DAB1: variants seen among roughly 807,000 people sequenced by gnomAD.
DAB1 encodes DAB adaptor protein 1, also known as disabled homolog 1.
DAB1 carries 15 observed loss-of-function variants against 64.6 expected under a neutral mutation model. That is an observed-to-expected ratio of 0.23 (90% CI 0.16 to 0.36). The LOEUF is 0.36. Ranked by LOEUF, DAB1 falls within the 10% of genes least tolerant of loss-of-function variation. DAB1 has a pLI of 1.00. For missense variants in DAB1, 596 were observed against 706.7 expected (o/e 0.84, Z 1.78); for synonymous variants, 235 against 251.9 (o/e 0.93, Z 0.64).
chr1:57,201,450 T>C (rs1183112252), intron 2 of DAB1, among the ~76,000 whole-genome samples: 1 of 152,032 alleles, frequency 6.6e-6, no homozygotes. Flanking sequence ...CCCTGCCACT[T>C]ACCATGCCCA....
At chr1:57,252,493 A>G (rs1669423906) in intron 2 of DAB1, among the ~76,000 whole-genome samples, 1 of 152,170 alleles carries the variant, frequency 6.6e-6, no homozygotes, top group Admixed American at 6.5e-5. Flanking sequence ...CTCCTTTAAC[A>G]CAGATTAAAT....
intron 7 of DAB1, among the ~76,000 whole-genome samples, chr1:57,509,558 A>G (rs997889055): frequency 2.0e-4 from 31 of 151,726 alleles, no homozygotes; most frequent in African/African-American, 7.5e-4. Flanking sequence ...TCACTCCCTC[A>G]CCCTATTAGC....
intron 8 of DAB1, among the ~76,000 whole-genome samples, chr1:57,066,713 G>T (rs1477053777): frequency 6.6e-6 from 1 of 152,060 alleles, no homozygotes; most frequent in African/African-American, 2.4e-5. Flanking sequence ...AGGAAGGAGG[G>T]GAAACTCACG....
intron 4 of DAB1, among the ~76,000 whole-genome samples, chr1:58,246,138 G>T (rs563924113): frequency 6.8e-6 from 1 of 147,238 alleles, no homozygotes; most frequent in East Asian, 2.0e-4. Flanking sequence ...TAACAAAAAT[G>T]AATAAGAGAA....
At chr1:57,335,851 T>G (rs1243793746) in intron 1 of DAB1, among the ~76,000 whole-genome samples, 1 of 152,222 alleles carries the variant, frequency 6.6e-6, no homozygotes, top group African/African-American at 2.4e-5. Context: ...ACTGCAAATA[T>G]TCCCTGGTTA....
chr1:57,015,849 C>A (rs1292779888), intron 11 of DAB1, among the ~76,000 whole-genome samples: 2 of 152,188 alleles, frequency 1.3e-5, no homozygotes, highest in African/African-American at 2.4e-5. Flanking sequence ...GAGTCTGACT[C>A]TTTGTGGTAA....
At chr1:58,110,300 G>A (rs1195896417) in intron 5 of DAB1, among the ~76,000 whole-genome samples, 2 of 152,058 alleles carry the variant, frequency 1.3e-5, no homozygotes, top group African/African-American at 4.8e-5. Flanking sequence ...GTTCAAAGTG[G>A]GATTCTGTCA....
chr1:58,036,051 G>A (rs550853796), intron 5 of DAB1, among the ~76,000 whole-genome samples: 1 of 152,168 alleles, frequency 6.6e-6, no homozygotes, highest in Non-Finnish European at 1.5e-5. Flanking sequence ...TAGGAATGAG[G>A]GAAAAAAAAG....
chr1:57,556,454 A>G (rs1385043419), intron 7 of DAB1, among the ~76,000 whole-genome samples: 1 of 151,310 alleles, frequency 6.6e-6, no homozygotes, highest in Non-Finnish European at 1.5e-5. Flanking sequence ...TTTTTTTTAA[A>G]TTTTTATTAT....
chr1:57,793,190 G>A lies in DAB1; in HGVS notation n.551+90809C>T, dbSNP rs1307396978. 2.0e-5 allele frequency among the ~76,000 whole-genome samples: 3 copies of A among 152,132 alleles called. No individual in the cohort carries two copies. In the East Asian group the frequency reaches 5.8e-4, roughly 29 times the overall value. On this transcript the variant is annotated intron_variant and non_coding_transcript_variant, in intron 6 of 20. Transcript: ENST00000485760. ...AGAACAGAGTGCATAGCCTCTAGTA[G>A]GCAGAGAAAATAAACGAACAGGGCA...
chr1:58,502,137 T>C (rs927772880), intron 3 of DAB1, among the ~76,000 whole-genome samples: 1 of 152,204 alleles, frequency 6.6e-6, no homozygotes, highest in South Asian at 2.1e-4. Context: ...ACAATACATT[T>C]TTGTGATGAT....
upstream of DAB1, among the ~76,000 whole-genome samples, chr1:57,424,866 T>A (rs1354911334): frequency 6.6e-6 from 1 of 152,160 alleles, no homozygotes; most frequent in Non-Finnish European, 1.5e-5. Context: ...AGACCACGGT[T>A]AACTCCGGCT....
chr1:57,606,775 A>G (rs952229507), intron 7 of DAB1, among the ~76,000 whole-genome samples: 1 of 81,062 alleles, frequency 1.2e-5, no homozygotes, highest in African/African-American at 4.5e-5. Flanking sequence ...ATATATAAAT[A>G]TATTTTATAC....
At chr1:57,190,860 G>A (rs1034484699) in intron 2 of DAB1, among the ~76,000 whole-genome samples, 2 of 152,122 alleles carry the variant, frequency 1.3e-5, no homozygotes, top group African/African-American at 2.4e-5. Flanking sequence ...CCTCTAAAGT[G>A]CAGATTTAGG....
At chr1:57,367,566 C>T (rs931466930) in intron 1 of DAB1, among the ~76,000 whole-genome samples, 9 of 152,146 alleles carry the variant, frequency 5.9e-5, no homozygotes, top group African/African-American at 2.2e-4. Context: ...TCGAAAGAAA[C>T]CATGTAAGTT....
intron 4 of DAB1, among the ~76,000 whole-genome samples, chr1:57,097,556 G>A (rs1430796545): frequency 2.0e-5 from 3 of 152,136 alleles, no homozygotes; most frequent in Non-Finnish European, 4.4e-5. Context: ...CTATGGTTAT[G>A]ACACAGGCAG....
At chr1:57,350,865 T>C (rs533771499) in intron 1 of DAB1, among the ~76,000 whole-genome samples, 4 of 152,298 alleles carry the variant, frequency 2.6e-5, no homozygotes, top group African/African-American at 9.6e-5. Flanking sequence ...TGAGTCTATA[T>C]ATCTGGCTCA....
intron 1 of DAB1, chr1:57,307,276 T>G (rs1228009082): frequency 6.6e-6 from 1 of 152,238 alleles, no homozygotes; most frequent in African/African-American, 2.4e-5. Flanking sequence ...AGGACTGGAC[T>G]CCATGCCTTT....
intron 2 of DAB1, among the ~76,000 whole-genome samples, chr1:57,187,196 T>G (rs557933825): frequency 6.6e-6 from 1 of 152,202 alleles, no homozygotes; most frequent in African/African-American, 2.4e-5. Flanking sequence ...AATGTGTTGT[T>G]GTCTTTTTTT....
Sources: allele counts gnomAD v4.1 joint callset (sites outside exome capture counted in the v4.1 genomes callset), GRCh38; gene constraint gnomAD v4.1.1; transcripts MANE v1.5; gene names NCBI Gene and HGNC (gene_info 2026-07-23, HGNC 2026-07-21).